PKP2: variants seen among roughly 807,000 people sequenced by gnomAD.
PKP2 encodes the protein plakophilin-2.
PKP2 carries 73 observed loss-of-function variants against 83.4 expected under a neutral mutation model. The ratio of observed to expected loss-of-function variants is 0.88; its 90% CI spans 0.72 to 1.06. The LOEUF (loss-of-function observed/expected upper bound fraction) is 1.06. Ranked by LOEUF, PKP2 falls within the 50% of genes least tolerant of loss-of-function variation. The pLI is 0.00. For synonymous variants in PKP2, 409 were observed against 430.4 expected, an observed-to-expected ratio of 0.95 and a Z score of 0.62; for missense variants, 966 against 1,065.4, an observed-to-expected ratio of 0.91 and a Z score of 1.30.
chr12:32,826,971 A>G lies in PKP2; in HGVS notation c.1557-2809T>C, dbSNP rs148163066. Among the ~76,000 whole-genome samples the G allele has an allele frequency of 6.6e-3, 1,003 of 152,346 alleles. 13 individuals are homozygous for G. Among genetic ancestry groups the G allele is most frequent in the Non-Finnish European group, 0.011 (756 of 68,032 alleles). On this transcript the variant is annotated intron_variant, in intron 6 of 12. Coordinates refer to ENST00000340811, the MANE Select transcript of PKP2 (RefSeq NM_001005242.3). The stretch of plus-strand genomic sequence containing the variant: ...AGCATTCATTCAGTCTGCAAATACC[A>G]TATGTCCCCAACTACATGATGTTAT...
Position 32,792,787 on chromosome 12 carries a change from G to T in PKP2, c.2358-56C>A, listed in dbSNP as rs6488091. 857,002 of 1,374,778 alleles carry T rather than the reference G, an allele frequency of 0.62. 276,871 individuals are homozygous for T. Among genetic ancestry groups the T allele is most frequent in the Non-Finnish European group, 0.67 (648,119 of 962,202 alleles). The allele number at this position is 1,374,778 out of a possible 1,614,324, so 85.2% of individuals were successfully genotyped here. On this transcript the variant is annotated intron_variant, in intron 11 of 12. Transcript: ENST00000340811. The stretch of plus-strand genomic sequence containing the variant: ...GAGAATGAGTGAGGCTTCTGGATGC[G>T]GCCTGTGGGTGTTCTGTAAGACCTC...
intron 3 of PKP2, among the ~76,000 whole-genome samples, chr12:32,872,688 A>G (rs924805053): frequency 1.3e-5 from 2 of 152,160 alleles, no homozygotes; most frequent in Non-Finnish European, 2.9e-5. Context: ...CAAACATAAA[A>G]TGATGAATGG....
chr12:32,859,948 T>G (rs2137892649), intron 4 of PKP2, among the ~76,000 whole-genome samples: 1 of 152,304 alleles, frequency 6.6e-6, no homozygotes, highest in African/African-American at 2.4e-5. Context: ...TTGTACAATT[T>G]TTGGGAGGAC....
chr12:32,855,495 C>T (rs1317744936), intron 4 of PKP2, among the ~76,000 whole-genome samples: 5 of 151,956 alleles, frequency 3.3e-5, no homozygotes, highest in Admixed American at 1.3e-4. Context: ...GGAATAAGGC[C>T]GGGCATGATG....
chr12:32,792,741 A>G lies in PKP2; in HGVS notation c.2358-10T>C, dbSNP rs1244303448. The G allele has an allele frequency of 3.1e-6, 5 of 1,610,774 alleles. No homozygotes were observed. The highest frequency in any genetic ancestry group is 1.7e-5 in the Admixed American group (1 of 59,996). On this transcript the variant is annotated splice_polypyrimidine_tract_variant and intron_variant, in intron 11 of 12. Coordinates refer to ENST00000340811, the MANE Select transcript of PKP2 (RefSeq NM_001005242.3). ...TTTGTTGGAGGCATAGCTGAAAAGAAAAGGACATTCTGAGATCAGGGAGAA... is the reference window on the plus strand; with the variant it reads ...TTTGTTGGAGGCATAGCTGAAAAGAGAAGGACATTCTGAGATCAGGGAGAA...
rs572938229 is a variant in PKP2, at chr12:32,878,043, G to A, written c.837C>T (p.Pro279=). 2.4e-5 allele frequency: 39 copies of A among 1,613,934 alleles called. No individual in the cohort carries two copies. Among genetic ancestry groups the A allele is most frequent in the South Asian group, 3.3e-5 (3 of 91,074 alleles). ...ACCTGGAAGCCCTGTTCTGAGTGAC[G>A]GGCTGCAGGGGCACCAGCGGCCTGA... is the stretch of plus-strand genomic sequence containing the variant. The part of the protein sequence containing the change: ...GQVRPLVPLQ[P]VTQNRASRSS... Residue 279 remains proline, a synonymous_variant, in exon 3 of 13, where the codon CCC becomes CCT. Transcript: ENST00000340811.
chr12:32,808,155 T>C (rs1956243540), intron 9 of PKP2, among the ~76,000 whole-genome samples: 1 of 152,232 alleles, frequency 6.6e-6, no homozygotes, highest in Admixed American at 6.5e-5. Flanking sequence ...CTCCTTCAGG[T>C]ACCCCAGTCA....
intron 9 of PKP2, among the ~76,000 whole-genome samples, chr12:32,815,552 T>C (rs1956312947): frequency 6.6e-6 from 1 of 152,234 alleles, no homozygotes; most frequent in Non-Finnish European, 1.5e-5. Flanking sequence ...CCTGAAGATT[T>C]ATCATCTCAG....
chr12:32,842,295 A>G (rs934777347), intron 5 of PKP2, among the ~76,000 whole-genome samples: 5 of 151,948 alleles, frequency 3.3e-5, no homozygotes, highest in African/African-American at 1.2e-4. Flanking sequence ...GCTGGAGTGC[A>G]GTGGTGGCTT....
At chr12:32,885,668 C>CA (rs1373722626) in intron 1 of PKP2, among the ~76,000 whole-genome samples, 1 of 150,780 alleles carries the variant, frequency 6.6e-6, no homozygotes, top group Non-Finnish European at 1.5e-5. Flanking sequence ...CGTCCCCCCC[C>CA]CAAAAAAAAA....
chr12:32,829,580 T>C (rs927302392), intron 6 of PKP2, among the ~76,000 whole-genome samples: 1 of 152,074 alleles, frequency 6.6e-6, no homozygotes, highest in African/African-American at 2.4e-5. Context: ...TACTTGATAA[T>C]GGGTATGGTT....
At chr12:32,894,680 C>G (rs1957106010) in intron 1 of PKP2, 1 of 152,186 alleles carries the variant, frequency 6.6e-6, no homozygotes, top group African/African-American at 2.4e-5. Flanking sequence ...TTGCTCTCTT[C>G]CTAGCTGGCC....
chr12:32,836,019 G>A (rs1380743231), intron 6 of PKP2, among the ~76,000 whole-genome samples: 1 of 152,170 alleles, frequency 6.6e-6, no homozygotes, highest in Non-Finnish European at 1.5e-5. Flanking sequence ...ACTGAACATG[G>A]AATTATGCTG....
At chr12:32,803,202 T>C (rs1258717325) in intron 9 of PKP2, among the ~76,000 whole-genome samples, 1 of 151,888 alleles carries the variant, frequency 6.6e-6, no homozygotes, top group East Asian at 2.0e-4. Flanking sequence ...AAACCCTGTC[T>C]TTACTAAAAA....
intron 9 of PKP2, chr12:32,821,108 T>C: frequency 2.1e-6 from 1 of 479,056 alleles, no homozygotes. Context: ...TCCTCTTTTT[T>C]GCTTAAACCA....
intron 4 of PKP2, among the ~76,000 whole-genome samples, chr12:32,868,156 A>T (rs996150226): frequency 6.6e-6 from 1 of 152,216 alleles, no homozygotes; most frequent in African/African-American, 2.4e-5. Context: ...ATTGCAGGAA[A>T]TATTTTTGGT....
chr12:32,870,167 C>T lies in PKP2; in HGVS notation c.1035-1105G>A, dbSNP rs189853336. Among the ~76,000 whole-genome samples, 16 of 152,276 alleles carry T rather than the reference C, an allele frequency of 1.1e-4. No homozygotes were observed. The East Asian group carries it at 3.1e-3, about 29-fold the overall frequency. On this transcript the variant is annotated intron_variant, in intron 3 of 12. Coordinates refer to ENST00000340811, the MANE Select transcript of PKP2 (RefSeq NM_001005242.3). ...ATTCATTCCAGACACTGGAGACATC[C>T]TGAGAAGGAGTTTTCCAATATCTAC...
At chr12:32,803,024 T>A (rs1400028153) in intron 9 of PKP2, among the ~76,000 whole-genome samples, 1 of 152,150 alleles carries the variant, frequency 6.6e-6, no homozygotes, top group Non-Finnish European at 1.5e-5. Flanking sequence ...AAACTCTTAT[T>A]AAGTTTTCAA....
intron 6 of PKP2, among the ~76,000 whole-genome samples, chr12:32,838,056 G>A (rs944831800): frequency 6.6e-6 from 1 of 152,104 alleles, no homozygotes; most frequent in East Asian, 1.9e-4. Context: ...AGGACTGTTC[G>A]CAATAACAAA....
Sources: gnomAD v4.1 joint callset for allele counts (sites outside exome capture counted in the v4.1 genomes callset) on GRCh38, gnomAD v4.1.1 for gene constraint, MANE v1.5 for transcripts, NCBI Gene and HGNC (gene_info 2026-07-23, HGNC 2026-07-21) for gene names.